PRELID2: variants seen among roughly 807,000 people sequenced by gnomAD.
PRELID2 encodes PRELI domain containing 2.
PRELID2 carries 25 observed loss-of-function variants against 28.4 expected under a neutral mutation model. That is an observed-to-expected ratio of 0.88 (90% confidence interval 0.64 to 1.23). The LOEUF (loss-of-function observed/expected upper bound fraction) is 1.23. PRELID2 is among the 50% of genes most tolerant of loss of function. The pLI is 0.00. For synonymous variants in PRELID2, 76 were observed against 71.6 expected (o/e 1.06, Z -0.31); for missense variants, 201 against 214.4 (o/e 0.94, Z 0.39).
intron 1 of PRELID2, among the ~76,000 whole-genome samples, chr5:145,585,023 A>G (rs903217091): frequency 6.6e-6 from 1 of 152,172 alleles, no homozygotes; most frequent in East Asian, 1.9e-4. Flanking sequence ...TAGAAAAGAC[A>G]TGGAATCAAC....
At chr5:145,370,329 T>C in the PRELID2 span, among the ~76,000 whole-genome samples, 1 of 151,458 alleles carries the variant, frequency 6.6e-6, no homozygotes, top group Non-Finnish European at 1.5e-5. Flanking sequence ...TTGTTTATTT[T>C]TTTCTGCATA....
chr5:145,280,710 C>T, the PRELID2 span, among the ~76,000 whole-genome samples: 2 of 151,074 alleles, frequency 1.3e-5, no homozygotes, highest in East Asian at 3.9e-4. Context: ...TCTACTATTT[C>T]TGTCTGGATG....
At chr5:145,453,522 G>C in the PRELID2 span, among the ~76,000 whole-genome samples, 1 of 152,026 alleles carries the variant, frequency 6.6e-6, no homozygotes, top group Non-Finnish European at 1.5e-5. Flanking sequence ...GTGCAGGTTT[G>C]TTACATAGGT....
the PRELID2 span, chr5:145,338,025 G>A: frequency 2.6e-5 from 4 of 152,062 alleles, no homozygotes; most frequent in African/African-American, 9.7e-5. Context: ...TCTTCAAAAA[G>A]AGAGAACATC....
chr5:145,662,428 G>A (rs1029569812), intron 1 of PRELID2, among the ~76,000 whole-genome samples: 1 of 152,102 alleles, frequency 6.6e-6, no homozygotes, highest in Non-Finnish European at 1.5e-5. Context: ...AGTACTTGCT[G>A]GATTACAGTG....
intron 4 of PRELID2, among the ~76,000 whole-genome samples, chr5:145,804,393 C>G (rs1753354602): frequency 6.6e-6 from 1 of 151,920 alleles, no homozygotes. Flanking sequence ...ACCTGTAAAC[C>G]CAGCTACTCG....
At position 145,796,506 on chromosome 5, in the gene PRELID2, AC is replaced by A. The variant is rs1229107663; in HGVS notation, c.409del (p.Val137LeufsTer8). ...TTCTAAAACACAGTTGAGAAATCCA[AC>A]CCCTGTGATTGAAATCCTGCCTCTT... The part of the protein sequence containing the change: ...IQRGRISITG[V>X]GFLNCVLETF... On this transcript the variant is annotated frameshift_variant, in exon 5 of 7. Transcript: ENST00000683046. LOFTEE classifies it high-confidence loss of function. 1 of 1,609,916 alleles carries A rather than the reference AC, an allele frequency of 6.2e-7. No individual in the cohort carries two copies. Among genetic ancestry groups the A allele is most frequent in the East Asian group, 2.2e-5 (1 of 44,662 alleles).
chr5:145,745,793 G>A (rs1190803560), intron 1 of PRELID2, among the ~76,000 whole-genome samples: 1 of 151,738 alleles, frequency 6.6e-6, no homozygotes, highest in African/African-American at 2.4e-5. Context: ...AACCCAGGAG[G>A]CAAGGTTCCA....
At chr5:145,370,849 T>C in the PRELID2 span, among the ~76,000 whole-genome samples, 1 of 152,086 alleles carries the variant, frequency 6.6e-6, no homozygotes, top group Non-Finnish European at 1.5e-5. Flanking sequence ...GTTAGCTGTA[T>C]TCCTAGGTAT....
intron 1 of PRELID2, among the ~76,000 whole-genome samples, chr5:145,498,138 C>T (rs1752323972): frequency 2.0e-5 from 3 of 152,056 alleles, no homozygotes; most frequent in African/African-American, 7.2e-5. Flanking sequence ...TACCACCCAG[C>T]TTCATCTTGG....
At chr5:145,819,347 G>C (rs773811650) in intron 3 of PRELID2, 12 of 1,502,712 alleles carry the variant, frequency 8.0e-6, no homozygotes, top group Non-Finnish European at 1.1e-5. Flanking sequence ...CCCTCTATGG[G>C]TCAAGCAATG....
rs115710200 is a variant in PRELID2 at position 145,548,111 on chromosome 5, T to C, written n.71-74796A>G. 4.9e-3 allele frequency among the ~76,000 whole-genome samples: 752 copies of C among 152,328 alleles called. 7 individuals carry two copies. Among genetic ancestry groups the C allele is most frequent in the Admixed American group, 8.0e-3 (123 of 15,304 alleles). On this transcript the variant is annotated intron_variant and non_coding_transcript_variant, in intron 1 of 2. Coordinates refer to the PRELID2 transcript ENST00000510259. ...GCACAAATCACAGAACTGAGAATTA[T>C]AGGACAATAAAATCATCCTGGCCAC...
chr5:145,656,694 T>C lies in PRELID2; in HGVS notation n.70+108237A>G, dbSNP rs558360522. Among the ~76,000 whole-genome samples, 120 of 140,314 alleles carry C rather than the reference T, an allele frequency of 8.6e-4. 1 individual carries two copies. The highest frequency in any genetic ancestry group is 3.4e-3 in the South Asian group (15 of 4,454). 92.1% of individuals were successfully genotyped at this position (140,314 alleles called of 152,430 possible). A position where few individuals can be genotyped will look rare whatever the true frequency, so the allele number is the denominator to read the frequency against. ...GCATGTTCTCATTCATAGGTGGAAA[T>C]TGAACAATGAGAACACTTGGACACA... On this transcript the variant is annotated intron_variant and non_coding_transcript_variant, in intron 1 of 2. Coordinates refer to the PRELID2 transcript ENST00000510259.
intron 1 of PRELID2, among the ~76,000 whole-genome samples, chr5:145,696,251 T>C (rs1228211863): frequency 1.3e-5 from 2 of 148,846 alleles, no homozygotes; most frequent in Non-Finnish European, 3.0e-5. Flanking sequence ...CTTCTCAAAG[T>C]ATTTCACCTC....
the PRELID2 span, among the ~76,000 whole-genome samples, chr5:145,425,595 G>C: frequency 1.7e-4 from 26 of 152,242 alleles, no homozygotes; most frequent in African/African-American, 6.0e-4. Flanking sequence ...ACAAGATTAC[G>C]TCCTTTGTTG....
chr5:145,606,434 T>C (rs1753505698), intron 1 of PRELID2, among the ~76,000 whole-genome samples: 1 of 152,180 alleles, frequency 6.6e-6, no homozygotes, highest in African/African-American at 2.4e-5. Context: ...TATTTTGAGG[T>C]ATATTCCTTC....
intron 1 of PRELID2, among the ~76,000 whole-genome samples, chr5:145,574,635 A>G (rs1753045284): frequency 6.6e-6 from 1 of 152,182 alleles, no homozygotes; most frequent in Admixed American, 6.5e-5. Flanking sequence ...TCCATCCATT[A>G]CAGCACTCTT....
intron 1 of PRELID2, among the ~76,000 whole-genome samples, chr5:145,539,508 T>C (rs1752729286): frequency 1.3e-5 from 2 of 151,964 alleles, no homozygotes; most frequent in African/African-American, 4.8e-5. Flanking sequence ...ATTTGTCTCC[T>C]CCTACACTAT....
chr5:145,259,888 G>T, the PRELID2 span, among the ~76,000 whole-genome samples: 2 of 152,054 alleles, frequency 1.3e-5, no homozygotes, highest in Non-Finnish European at 2.9e-5. Flanking sequence ...CTGTGTCACT[G>T]CCCAAATCTC....
Sources: gnomAD v4.1 joint callset for allele counts (sites outside exome capture counted in the v4.1 genomes callset) on GRCh38, gnomAD v4.1.1 for gene constraint, MANE v1.5 for transcripts, NCBI Gene and HGNC (gene_info 2026-07-23, HGNC 2026-07-21) for gene names.